FOXP1: variants seen among roughly 807,000 people sequenced by gnomAD.
FOXP1 encodes the protein forkhead box protein P1.
In FOXP1, 15 loss-of-function variants were observed where a neutral mutation model predicts 98.2. The observed-to-expected ratio is 0.15, with a 90% confidence interval of 0.10 to 0.24. The LOEUF (loss-of-function observed/expected upper bound fraction) is 0.24. Among genes scored for constraint, FOXP1 ranks in the 10% least tolerant of loss-of-function variants. FOXP1 has a pLI of 1.00. For missense variants in FOXP1, 633 were observed against 848.5 expected, an observed-to-expected ratio of 0.75 and a Z score of 3.15; for synonymous variants, 371 against 314.5, an observed-to-expected ratio of 1.18 and a Z score of -1.90.
chr3:71,362,150 T>C (rs966746571), intron 3 of FOXP1, among the ~76,000 whole-genome samples: 4 of 152,198 alleles, frequency 2.6e-5, no homozygotes, highest in Non-Finnish European at 5.9e-5. Context: ...TGATACTGAA[T>C]GAAAATTTGT....
chr3:71,348,574 T>C (rs2077560663), intron 4 of FOXP1, among the ~76,000 whole-genome samples: 1 of 142,786 alleles, frequency 7.0e-6, no homozygotes, highest in Admixed American at 6.8e-5. Flanking sequence ...CGCATATGCA[T>C]GTGTGTATAA....
At position 70,966,269 on chromosome 3, in the gene FOXP1, G is replaced by A. The variant is rs987184472; in HGVS notation, c.1723-213C>T. The A allele has an allele frequency of 5.1e-6, 3 of 585,832 alleles. No homozygotes were observed. The East Asian group carries it at 9.2e-5, about 18-fold the overall frequency. 36.3% of individuals were successfully genotyped at this position (585,832 alleles called of 1,614,324 possible). A position where few individuals can be genotyped will look rare whatever the true frequency, so the allele number is the denominator to read the frequency against. On this transcript the variant is annotated intron_variant, in intron 19 of 20. Transcript: ENST00000649528. ...TTTGAAGAGCTAACTGGGGGCCAGG[G>A]GGGACCAAGTGCCTGTGGGTAGGAA... is the stretch of plus-strand genomic sequence containing the variant.
At chr3:71,037,252 A>G (rs1013043317) in intron 11 of FOXP1, among the ~76,000 whole-genome samples, 2 of 152,144 alleles carry the variant, frequency 1.3e-5, no homozygotes, top group South Asian at 2.1e-4. Flanking sequence ...TGATATTTCA[A>G]ATTTTAATTT....
intron 7 of FOXP1, among the ~76,000 whole-genome samples, chr3:71,107,383 C>T (rs1025210268): frequency 6.6e-6 from 1 of 152,112 alleles, no homozygotes; most frequent in African/African-American, 2.4e-5. Context: ...GGAGGGGTCA[C>T]TGTTTCTATC....
At chr3:71,322,737 T>G (rs2075465061) in intron 4 of FOXP1, among the ~76,000 whole-genome samples, 1 of 151,884 alleles carries the variant, frequency 6.6e-6, no homozygotes, top group Non-Finnish European at 1.5e-5. Flanking sequence ...ACTATGAAGG[T>G]CTCCCAAGCC....
chr3:71,198,278 C>T lies in FOXP1; in HGVS notation c.104G>A (p.Gly35Glu), dbSNP rs969304991. The T allele has an allele frequency of 6.2e-7, 1 of 1,614,190 alleles. No individual in the cohort carries two copies. Among genetic ancestry groups the T allele is most frequent in the East Asian group, 2.2e-5 (1 of 44,878 alleles). Residue 35 changes from glycine to glutamate, a missense_variant, in exon 6 of 21, where the codon GGG becomes GAG. Around this residue, in one of 6 missense-constraint regions of FOXP1, gnomAD observed 103 missense variants for 85.5 expected, o/e 1.20. Transcript: ENST00000649528. ...GGCCGGCGTCTCTCCGTTGGACCGCCCCTCCCGAAGACCGCCGCACTCTAG... is the reference window on the plus strand; with the variant it reads ...GGCCGGCGTCTCTCCGTTGGACCGCTCCTCCCGAAGACCGCCGCACTCTAG... ...HLLECGGLRE[G>E]RSNGETPAVD...
intron 5 of FOXP1, among the ~76,000 whole-genome samples, chr3:71,205,482 G>A (rs1421739250): frequency 6.6e-6 from 1 of 152,074 alleles, no homozygotes; most frequent in Non-Finnish European, 1.5e-5. Flanking sequence ...AAGTTCAGGA[G>A]CAATGAAATT....
intron 5 of FOXP1, among the ~76,000 whole-genome samples, chr3:71,267,820 C>T (rs1239177416): frequency 2.0e-5 from 3 of 151,958 alleles, no homozygotes; most frequent in Admixed American, 2.0e-4. Context: ...GAGTTCGAGG[C>T]CAGCCTGGCC....
intron 11 of FOXP1, among the ~76,000 whole-genome samples, chr3:71,028,264 C>T (rs1449740257): frequency 6.6e-6 from 1 of 152,138 alleles, no homozygotes; most frequent in African/African-American, 2.4e-5. Flanking sequence ...TAATGGTAAT[C>T]CAGATCACTT....
At chr3:71,353,787 CA>C (rs2077959208) in intron 4 of FOXP1, among the ~76,000 whole-genome samples, 1 of 152,098 alleles carries the variant, frequency 6.6e-6, no homozygotes, top group South Asian at 2.1e-4. Flanking sequence ...TCAGCTTTTA[CA>C]TAAAAAATTC....
chr3:71,144,821 A>G (rs964133649), intron 6 of FOXP1, among the ~76,000 whole-genome samples: 1 of 152,138 alleles, frequency 6.6e-6, no homozygotes, highest in African/African-American at 2.4e-5. Context: ...CCCTTGTGCC[A>G]ACCTGTTGTA....
At chr3:71,518,094 T>C (rs1483403078) in intron 2 of FOXP1, among the ~76,000 whole-genome samples, 2 of 152,180 alleles carry the variant, frequency 1.3e-5, no homozygotes, top group East Asian at 1.9e-4. Flanking sequence ...GGGGAAACCA[T>C]AGAAAATCTT....
At chr3:71,558,586 C>T (rs1163006716) in intron 2 of FOXP1, among the ~76,000 whole-genome samples, 3 of 151,686 alleles carry the variant, frequency 2.0e-5, no homozygotes, top group Non-Finnish European at 4.4e-5. Flanking sequence ...CCTCCGCCTC[C>T]GGGATTCAAG....
intron 11 of FOXP1, among the ~76,000 whole-genome samples, chr3:71,029,277 G>C (rs2046541841): frequency 1.3e-5 from 2 of 152,180 alleles, no homozygotes; most frequent in South Asian, 4.1e-4. Flanking sequence ...TGGGGATGTG[G>C]CAATGGACAA....
At chr3:71,398,295 T>C (rs2081695542) in intron 3 of FOXP1, among the ~76,000 whole-genome samples, 1 of 152,236 alleles carries the variant, frequency 6.6e-6, no homozygotes, top group Non-Finnish European at 1.5e-5. Flanking sequence ...GCTTCTGATT[T>C]CTTTGAATTC....
chr3:71,216,889 G>A (rs2064978430), intron 5 of FOXP1, among the ~76,000 whole-genome samples: 2 of 152,136 alleles, frequency 1.3e-5, no homozygotes, highest in African/African-American at 4.8e-5. Flanking sequence ...TGTCACACCT[G>A]GAGGAGGGGG....
intron 7 of FOXP1, among the ~76,000 whole-genome samples, chr3:71,070,377 G>T (rs912047919): frequency 1.3e-4 from 20 of 152,108 alleles, no homozygotes; most frequent in African/African-American, 4.3e-4. Context: ...GAGCATGTCG[G>T]CGCATTTTCA....
intron 5 of FOXP1, among the ~76,000 whole-genome samples, chr3:71,290,886 C>G (rs949425053): frequency 1.3e-5 from 2 of 152,190 alleles, no homozygotes; most frequent in Admixed American, 1.3e-4. Flanking sequence ...AGAAATATTT[C>G]TGGTCCCAAG....
chr3:71,564,134 C>T (rs2046740525), intron 2 of FOXP1, among the ~76,000 whole-genome samples: 1 of 152,172 alleles, frequency 6.6e-6, no homozygotes, highest in African/African-American at 2.4e-5. Flanking sequence ...AGCAAACAGA[C>T]AAAAACCAAA....
Sources: allele counts gnomAD v4.1 joint callset (sites outside exome capture counted in the v4.1 genomes callset), GRCh38; gene constraint gnomAD v4.1.1; regional missense constraint gnomAD v4.1.1; transcripts MANE v1.5; gene names NCBI Gene and HGNC (gene_info 2026-07-23, HGNC 2026-07-21).